PSMD9: variants seen among roughly 807,000 people sequenced by gnomAD.
PSMD9 encodes the protein 26S proteasome non-ATPase regulatory subunit 9.
A neutral mutation model predicts 25.9 loss-of-function variants in PSMD9; 26 were observed. The observed-to-expected ratio is 1.00, with a 90% CI of 0.73 to 1.39. The LOEUF (loss-of-function observed/expected upper bound fraction) is 1.39, where lower values mean the gene tolerates loss of function less well. Among genes scored for constraint, PSMD9 ranks in the 40% most tolerant of loss-of-function variants. The pLI is 0.00. For synonymous variants in PSMD9, 110 were observed against 114.5 expected (o/e 0.96, Z 0.25); for missense variants, 303 against 299.3 (o/e 1.01, Z -0.09).
At chr12:121,900,622 C>T (rs989964546) in intron 3 of PSMD9, among the ~76,000 whole-genome samples, 3 of 150,918 alleles carry the variant, frequency 2.0e-5, no homozygotes, top group South Asian at 2.1e-4. Context: ...ATTTAAAGTC[C>T]GTATACAGTT....
At chr12:121,898,869 C>G (rs2309274) in intron 2 of PSMD9, 133,120 of 152,034 alleles carry the variant, frequency 0.88, 58,559 homozygotes, top group African/African-American at 0.96. Context: ...CTACAGGCGC[C>G]TGCCATCATG....
At chr12:121,899,150 G>A (rs183519416) in intron 2 of PSMD9, 53 of 161,658 alleles carry the variant, frequency 3.3e-4, no homozygotes, top group African/African-American at 8.8e-4. Context: ...CTCTGTGCCC[G>A]GCTTATGCAG....
chr12:121,911,401 T>G (rs551235216), intron 4 of PSMD9, among the ~76,000 whole-genome samples: 2 of 152,334 alleles, frequency 1.3e-5, no homozygotes, highest in South Asian at 4.1e-4. Context: ...TGTCAGAATT[T>G]CCTTCCTTTT....
rs893548623 is a variant in PSMD9 at position 121,917,613 on chromosome 12, G to A, written c.*1302G>A. ...TTGCTGTGGTTGGATACAGATACCA[G>A]CTTGCCTTGATGGGATTGGTATTGC... is the stretch of plus-strand genomic sequence containing the variant. On this transcript the variant is annotated 3_prime_UTR_variant, in exon 6 of 6. Transcript: ENST00000541212. The A allele has an allele frequency of 1.3e-5, 2 of 152,212 alleles. No individual in the cohort carries two copies. Among genetic ancestry groups the A allele is most frequent in the African/African-American group, 4.8e-5 (2 of 41,456 alleles). 9.4% of individuals were successfully genotyped at this position (152,212 alleles called of 1,614,324 possible).
At position 121,901,666 on chromosome 12, in the gene PSMD9, C is replaced by CTTTTTTTTTT. The variant is rs563939839; in HGVS notation, c.454-1322_454-1313dup. ...TGTCATGCCTGGCCCTTCATTCCTT[C>CTTTTTTTTTT]TTTTTTTTTTTTTTTTTTTTTTTTT... On this transcript the variant is annotated intron_variant, in intron 3 of 5. Transcript: ENST00000541212. 3.8e-4 allele frequency among the ~76,000 whole-genome samples: 36 copies of CTTTTTTTTTT among 93,606 alleles called. 4 individuals carry two copies. The highest frequency in any genetic ancestry group is 1.9e-3 in the African/African-American group (32 of 16,982). 61.4% of individuals were successfully genotyped at this position (93,606 alleles called of 152,430 possible). A position where few individuals can be genotyped will look rare whatever the true frequency, so the allele number is the denominator to read the frequency against.
At position 121,888,803 on chromosome 12, in the gene PSMD9, G is replaced by A; in HGVS notation, c.-54G>A. ...GGAGCCGTAGTTACGGTCGACTGGG[G>A]CGTCGTCCCTAGCCCGGGAGCCGGG... On this transcript the variant is annotated 5_prime_UTR_variant, in exon 1 of 6. Coordinates refer to ENST00000541212, the MANE Select transcript of PSMD9 (RefSeq NM_002813.7). The A allele has an allele frequency of 1.3e-6, 2 of 1,563,662 alleles. No individual in the cohort carries two copies. Among genetic ancestry groups the A allele is most frequent in the Non-Finnish European group, 1.7e-6 (2 of 1,155,040 alleles).
Position 121,899,700 on chromosome 12 carries a change from G to A in PSMD9, c.308G>A (p.Arg103His), listed in dbSNP as rs1565892007. 5 of 1,613,934 alleles carry A rather than the reference G, an allele frequency of 3.1e-6. No homozygotes were observed. Among genetic ancestry groups the A allele is most frequent in the East Asian group, 2.2e-5 (1 of 44,890 alleles). The change falls in exon 3 of 6, where the codon CGC becomes CAC. Residue 103 changes from arginine (R) to histidine (H), a missense_variant. Arg to His is a conservative substitution (Grantham distance 29). Transcript: ENST00000541212. ...GAGGCCCTGCACCAGCTGCACGCTCGCGACAAGGAGAAGCAGGCCCGGGAC... is the reference window on the plus strand; with the variant it reads ...GAGGCCCTGCACCAGCTGCACGCTCACGACAAGGAGAAGCAGGCCCGGGAC... ...VEEALHQLHA[R>H]DKEKQARDMA...
intron 4 of PSMD9, chr12:121,915,621 T>A (rs973741555): frequency 5.7e-6 from 3 of 527,926 alleles, no homozygotes; most frequent in African/African-American, 1.9e-5. Flanking sequence ...ATGTACCTTT[T>A]AAAGATCGTT....
At chr12:121,914,631 C>A (rs1879841184) in intron 4 of PSMD9, 1 of 152,192 alleles carries the variant, frequency 6.6e-6, no homozygotes, top group South Asian at 2.1e-4. Flanking sequence ...GTGGGCAGAT[C>A]ACTTGAGCCC....
intron 1 of PSMD9, among the ~76,000 whole-genome samples, chr12:121,889,919 T>A (rs1879012782): frequency 6.6e-6 from 1 of 152,068 alleles, no homozygotes; most frequent in Non-Finnish European, 1.5e-5. Context: ...AAGATGAAGT[T>A]TCTTTTTTTT....
chr12:121,889,526 T>C (rs1256980158), intron 1 of PSMD9, among the ~76,000 whole-genome samples: 2 of 152,078 alleles, frequency 1.3e-5, no homozygotes, highest in African/African-American at 4.8e-5. Flanking sequence ...CATTTGCTGA[T>C]TGTATCGTGA....
At chr12:121,904,601 ATTGTT>A (rs1879497470) in intron 4 of PSMD9, among the ~76,000 whole-genome samples, 1 of 149,322 alleles carries the variant, frequency 6.7e-6, no homozygotes, top group East Asian at 1.9e-4. Context: ...TAATTCTTTT[ATTGTT>A]TTATTTCTGT....
intron 1 of PSMD9, among the ~76,000 whole-genome samples, chr12:121,890,951 A>T (rs1879053547): frequency 6.6e-6 from 1 of 151,258 alleles, no homozygotes; most frequent in African/African-American, 2.4e-5. Context: ...ATTTGTTTTT[A>T]AAAAGTGGGT....
intron 4 of PSMD9, among the ~76,000 whole-genome samples, chr12:121,904,048 T>C (rs1879478543): frequency 1.3e-5 from 2 of 152,086 alleles, no homozygotes; most frequent in South Asian, 4.1e-4. Flanking sequence ...GCTGCACGGT[T>C]CATCTACTTG....
At chr12:121,916,111 A>G (rs1042068799) in intron 5 of PSMD9, 167 bp downstream of exon 5, 4 of 1,144,786 alleles carry the variant, frequency 3.5e-6, no homozygotes, top group Non-Finnish European at 5.2e-6. Context: ...ACAGCTCTAG[A>G]AGCAGAGGGA....
intron 4 of PSMD9, among the ~76,000 whole-genome samples, chr12:121,905,885 G>C (rs550649424): frequency 6.6e-6 from 1 of 151,852 alleles, no homozygotes; most frequent in African/African-American, 2.4e-5. Context: ...CCACGATGAA[G>C]GTCAAGAGCA....
At chr12:121,910,327 G>A (rs1430212508) in intron 4 of PSMD9, among the ~76,000 whole-genome samples, 3 of 151,214 alleles carry the variant, frequency 2.0e-5, no homozygotes, top group African/African-American at 4.9e-5. Flanking sequence ...CTCATGATCC[G>A]CCTGCCTTGG....
At position 121,918,033 on chromosome 12, in the gene PSMD9, C is replaced by G. The variant is rs971942239; in HGVS notation, c.*1722C>G. On this transcript the variant is annotated 3_prime_UTR_variant, in exon 6 of 6. Transcript: ENST00000541212. The surrounding 1 kb of genome is among the most constrained non-coding windows in gnomAD (Gnocchi z 4.3). ...TTCCTGCAGGGGTCCCAGTGGAAAC[C>G]CGTGTGGCCACCTGTTGCCGTCTTC... is the stretch of plus-strand genomic sequence containing the variant. The G allele has an allele frequency of 6.6e-6, 1 of 152,300 alleles. No homozygotes were observed. The highest frequency in any genetic ancestry group is 1.9e-4 in the East Asian group (1 of 5,178). The allele number at this position is 152,300 out of a possible 1,614,324, so 9.4% of individuals were successfully genotyped here.
intron 4 of PSMD9, among the ~76,000 whole-genome samples, chr12:121,910,083 C>CTTT (rs34940246): frequency 0.59 from 56,601 of 95,494 alleles, 18,102 homozygotes; most frequent in Non-Finnish European, 0.67. Context: ...TAGGAAATGA[C>CTTT]TTTTTTTTTT....
Sources: allele counts gnomAD v4.1 joint callset (sites outside exome capture counted in the v4.1 genomes callset), GRCh38; gene constraint gnomAD v4.1.1; non-coding constraint Gnocchi (gnomAD v3.1); transcripts MANE v1.5; gene names NCBI Gene and HGNC (gene_info 2026-07-23, HGNC 2026-07-21).